The following ADAMTS14 variants were observed in gnomAD, a reference collection of about 807,000 sequenced individuals.
The protein encoded by ADAMTS14 is ADAM metallopeptidase with thrombospondin type 1 motif 14, also known as A disintegrin and metalloproteinase with thrombospondin motifs 14.
A neutral mutation model predicts 128.6 loss-of-function variants in ADAMTS14; 100 were observed. The ratio of observed to expected loss-of-function variants is 0.78; its 90% confidence interval spans 0.66 to 0.92. The LOEUF (loss-of-function observed/expected upper bound fraction) is 0.92, where lower values mean the gene tolerates loss of function less well. Among genes scored for constraint, ADAMTS14 ranks in the 40% least tolerant of loss-of-function variants. ADAMTS14 has a pLI of 0.00. For synonymous variants in ADAMTS14, 665 were observed against 653.8 expected (o/e 1.02, Z -0.26); for missense variants, 1,562 against 1,658.6 (o/e 0.94, Z 1.01).
intron 8 of ADAMTS14, 63 bp downstream of exon 8, chr10:70,734,091 C>T (rs1841743872): frequency 6.4e-7 from 1 of 1,568,150 alleles, no homozygotes; most frequent in Non-Finnish European, 8.6e-7. Flanking sequence ...TCTGAGCAGA[C>T]ATCACACAGC....
chr10:70,726,932 T>C (rs1219732243), intron 4 of ADAMTS14, among the ~76,000 whole-genome samples: 1 of 152,238 alleles, frequency 6.6e-6, no homozygotes. Context: ...TGGTCATTTC[T>C]TGTGGTGGGC....
At chr10:70,701,283 T>G (rs1840484850) in intron 2 of ADAMTS14, among the ~76,000 whole-genome samples, 1 of 152,220 alleles carries the variant, frequency 6.6e-6, no homozygotes, top group Non-Finnish European at 1.5e-5. Context: ...GAAGGTCTAG[T>G]GAATTTATAA....
rs371895859 is a variant in ADAMTS14, at chr10:70,674,780, C to A, written c.307C>A (p.Arg103Ser). 6.2e-7 allele frequency: 1 copy of A among 1,613,350 alleles called. No homozygotes were observed. Among genetic ancestry groups the A allele is most frequent in the African/African-American group, 1.3e-5 (1 of 75,056 alleles). ...GGTLWPGRVG[R>S]HSLYFNVTVF... ...GACCCTGTGGCCTGGCAGGGTGGGGCGCCACTCCCTCTACTTCAATGTCAC... is the reference window on the plus strand; with the variant it reads ...GACCCTGTGGCCTGGCAGGGTGGGGAGCCACTCCCTCTACTTCAATGTCAC... The change falls in exon 2 of 22, where the codon CGC becomes AGC. Residue 103 changes from arginine (R) to serine (S), a missense_variant. Arg to Ser is a moderately radical substitution (Grantham distance 110). Coordinates refer to ENST00000373207, the MANE Select transcript of ADAMTS14 (RefSeq NM_080722.4).
chr10:70,683,801 T>C (rs1839881432), intron 2 of ADAMTS14, among the ~76,000 whole-genome samples: 1 of 152,092 alleles, frequency 6.6e-6, no homozygotes, highest in Non-Finnish European at 1.5e-5. Context: ...ATGACCAGCA[T>C]GGTGCTGGCT....
At chr10:70,707,711 AT>A (rs1188392581) in intron 3 of ADAMTS14, among the ~76,000 whole-genome samples, 1 of 152,226 alleles carries the variant, frequency 6.6e-6, no homozygotes, top group Non-Finnish European at 1.5e-5. Context: ...CACCTGTGTA[AT>A]GGGGACAACA....
At chr10:70,679,045 T>A (rs1325557241) in intron 2 of ADAMTS14, among the ~76,000 whole-genome samples, 3 of 152,140 alleles carry the variant, frequency 2.0e-5, no homozygotes, top group African/African-American at 7.2e-5. Flanking sequence ...GCCCTTGCCC[T>A]GGAGGGGTTT....
rs866850005 is a variant in ADAMTS14, at chr10:70,687,970, C to G, written c.522+12975C>G. 9.1e-5 allele frequency among the ~76,000 whole-genome samples: 6 copies of G among 65,708 alleles called. 1 individual carries two copies. The highest frequency in any genetic ancestry group is 1.9e-4 in the Non-Finnish European group (6 of 31,974). The allele number at this position is 65,708 out of a possible 152,430, so 43.1% of individuals were successfully genotyped here. On this transcript the variant is annotated intron_variant, in intron 2 of 21. Coordinates refer to ENST00000373207, the MANE Select transcript of ADAMTS14 (RefSeq NM_080722.4). ...GCTGGCCGGGCGGGGGGCTGACCCC[C>G]CCCCCGACCTCCCTCCCGGACGGGG... is the stretch of plus-strand genomic sequence containing the variant.
At chr10:70,708,214 C>G (rs1044648484) in intron 3 of ADAMTS14, among the ~76,000 whole-genome samples, 16 of 152,140 alleles carry the variant, frequency 1.1e-4, no homozygotes, top group African/African-American at 3.9e-4. Flanking sequence ...TTTACAGCAA[C>G]CTTGTGGGTT....
chr10:70,688,846 AGGGGGAGGGGGAGGGGGAGG>A (rs1178228836), intron 2 of ADAMTS14, among the ~76,000 whole-genome samples: 5 of 5,184 alleles, frequency 9.6e-4, no homozygotes, highest in Admixed American at 1.7e-3. Context: ...GGGAGACCGG[AGGGGGAGGGGGAGGGGGAGG>A]GGGAGGGGGA....
At chr10:70,709,775 C>G (rs533068815) in intron 4 of ADAMTS14, among the ~76,000 whole-genome samples, 1 of 152,212 alleles carries the variant, frequency 6.6e-6, no homozygotes, top group Non-Finnish European at 1.5e-5. Context: ...GCTGGGATTA[C>G]AGGCGTGAGC....
At chr10:70,685,973 T>G (rs1347597154) in intron 2 of ADAMTS14, among the ~76,000 whole-genome samples, 1 of 152,198 alleles carries the variant, frequency 6.6e-6, no homozygotes, top group African/African-American at 2.4e-5. Context: ...TTAGTGGGAT[T>G]TGATGCTCAA....
At chr10:70,726,123 T>G (rs1448534186) in intron 4 of ADAMTS14, among the ~76,000 whole-genome samples, 1 of 152,156 alleles carries the variant, frequency 6.6e-6, no homozygotes, top group African/African-American at 2.4e-5. Context: ...GAGTGGGAAG[T>G]GGCATCAGGG....
At chr10:70,752,293 G>A in intron 18 of ADAMTS14, 66 bp downstream of exon 18, 1 of 1,585,138 alleles carries the variant, frequency 6.3e-7, no homozygotes, top group Non-Finnish European at 8.6e-7. Context: ...AGGCAGCGGG[G>A]CTGCTGAGCC....
intron 1 of ADAMTS14, among the ~76,000 whole-genome samples, chr10:70,673,480 A>G (rs1252526330): frequency 6.6e-6 from 1 of 151,978 alleles, no homozygotes; most frequent in Non-Finnish European, 1.5e-5. Context: ...AGCATGGGGT[A>G]CCCTCCTGGT....
rs145852829 is a variant in ADAMTS14, at chr10:70,702,328, C to T, written c.539C>T (p.Thr180Ile). The T allele has an allele frequency of 1.2e-6, 2 of 1,614,204 alleles. No homozygotes were observed. The highest frequency in any genetic ancestry group is 4.5e-5 in the East Asian group (2 of 44,878). Reference protein sequence around the residue: ...NCDGLAGLIRTDSTDFFIEPL... With the variant: ...NCDGLAGLIRIDSTDFFIEPL... ...CTGGTTCAGGCGGGCCTCATCCGCA[C>T]AGACAGCACCGACTTCTTCATTGAG... The change falls in exon 3 of 22, where the codon ACA (threonine) becomes ATA (isoleucine). Residue 180 changes from threonine (T) to isoleucine (I), a missense_variant. By Grantham distance (89) the Thr-to-Ile change is moderately conservative. Transcript: ENST00000373207.
At chr10:70,731,465 G>C (rs1043008527) in intron 6 of ADAMTS14, among the ~76,000 whole-genome samples, 1 of 152,216 alleles carries the variant, frequency 6.6e-6, no homozygotes, top group African/African-American at 2.4e-5. Context: ...TGCAGGCCTA[G>C]GCAGGGACAT....
intron 2 of ADAMTS14, among the ~76,000 whole-genome samples, chr10:70,685,859 TA>T (rs1839937140): frequency 6.6e-6 from 1 of 152,142 alleles, no homozygotes; most frequent in Admixed American, 6.5e-5. Flanking sequence ...TAGAGGTGTT[TA>T]TGAGGCTCCC....
At chr10:70,732,402 G>A (rs762065515) in intron 7 of ADAMTS14, 43 bp downstream of exon 7, 24 of 1,513,278 alleles carry the variant, frequency 1.6e-5, no homozygotes, top group East Asian at 6.8e-5. Context: ...CAGCTGTGCC[G>A]TGAGCTCCAG....
rs537509973 is a variant in ADAMTS14, at chr10:70,712,973, A to G, written c.870+4195A>G. 8.5e-5 allele frequency among the ~76,000 whole-genome samples: 13 copies of G among 152,298 alleles called. No homozygotes were observed. In the East Asian group the frequency reaches 2.5e-3, roughly 29 times the overall value. On this transcript the variant is annotated intron_variant, in intron 4 of 21. Coordinates refer to ENST00000373207, the MANE Select transcript of ADAMTS14 (RefSeq NM_080722.4). Reference sequence around the variant, plus strand: ...GTCTCTTCTGCAACTCTGTTCTGCCACCTGCTCCTCACTTCCAGGATTCTG... The same window carrying G: ...GTCTCTTCTGCAACTCTGTTCTGCCGCCTGCTCCTCACTTCCAGGATTCTG...
Sources: allele counts gnomAD v4.1 joint callset (sites outside exome capture counted in the v4.1 genomes callset), GRCh38; gene constraint gnomAD v4.1.1; transcripts MANE v1.5; gene names NCBI Gene and HGNC (gene_info 2026-07-23, HGNC 2026-07-21).